The following DENND4C variants were observed in gnomAD, a reference collection of about 807,000 sequenced individuals.
DENND4C encodes the protein DENN domain-containing protein 4C.
Under a neutral mutation model 203.0 loss-of-function variants are expected in DENND4C, and 108 were observed. That is an observed-to-expected ratio of 0.53 (90% CI 0.46 to 0.62). DENND4C has a LOEUF of 0.62. DENND4C is among the 20% of genes least tolerant of loss of function. The probability of loss-of-function intolerance (pLI) is 0.00; values close to 1 mark genes in which losing one functional copy is unlikely to be tolerated. For synonymous variants in DENND4C, 871 were observed against 792.4 expected, an observed-to-expected ratio of 1.10 and a Z score of -1.67; for missense variants, 2,481 against 2,301.2, an observed-to-expected ratio of 1.08 and a Z score of -1.60.
Position 19,268,105 on chromosome 9 carries a change from T to A in DENND4C, c.-17-8053T>A, listed in dbSNP as rs1306771935. Among the ~76,000 whole-genome samples the A allele has an allele frequency of 3.7e-4, 15 of 40,036 alleles. No homozygotes were observed. The South Asian group carries it at 0.013, about 35-fold the overall frequency. The allele number at this position is 40,036 out of a possible 152,430, so 26.3% of individuals were successfully genotyped here. A position where few individuals can be genotyped will look rare whatever the true frequency, so the allele number is the denominator to read the frequency against. On this transcript the variant is annotated intron_variant, in intron 1 of 32. Coordinates refer to ENST00000434457, the MANE Select transcript of DENND4C (RefSeq NM_001330640.2). ...GTATGTGTTGTAGGTTTTTGGGTATTTTTTTTTTTTCCCGTACAGAGTCTT... is the reference window on the plus strand; with the variant it reads ...GTATGTGTTGTAGGTTTTTGGGTATATTTTTTTTTTCCCGTACAGAGTCTT...
intron 3 of DENND4C, 37 bp downstream of exon 3, chr9:19,287,058 A>G: frequency 1.6e-6 from 2 of 1,231,526 alleles, no homozygotes; most frequent in East Asian, 6.3e-5. Context: ...GTTTCATATG[A>G]AACCAAAAAG....
intron 28 of DENND4C, 150 bp from the exon 29 acceptor site, chr9:19,360,094 T>G (rs1162672465): frequency 1.3e-6 from 1 of 755,468 alleles, no homozygotes; most frequent in Non-Finnish European, 2.1e-6. Context: ...TTTTTTAGGT[T>G]TTCATTCATT....
At chr9:19,291,819 T>A (rs896769843) in intron 5 of DENND4C, among the ~76,000 whole-genome samples, 1 of 152,004 alleles carries the variant, frequency 6.6e-6, no homozygotes, top group Non-Finnish European at 1.5e-5. Context: ...AAAAGGAGTT[T>A]TAAAATGTAG....
chr9:19,365,189 A>G (rs1487828736), intron 30 of DENND4C, among the ~76,000 whole-genome samples: 1 of 152,222 alleles, frequency 6.6e-6, no homozygotes, highest in Non-Finnish European at 1.5e-5. Context: ...GCAATATATA[A>G]AAATGATTTT....
chr9:19,349,406 T>G (rs1332749384), intron 23 of DENND4C, among the ~76,000 whole-genome samples: 1 of 152,138 alleles, frequency 6.6e-6, no homozygotes, highest in Non-Finnish European at 1.5e-5. Context: ...CCTTTCTCCC[T>G]TGCCTCCCCA....
intron 2 of DENND4C, among the ~76,000 whole-genome samples, chr9:19,281,286 G>A (rs1020469953): frequency 1.7e-4 from 26 of 152,158 alleles, no homozygotes; most frequent in African/African-American, 6.3e-4. Flanking sequence ...TTGCTAGAGT[G>A]TATGGTTGTC....
At chr9:19,340,939 G>C in intron 20 of DENND4C, 53 bp from the exon 21 acceptor site, 1 of 1,466,138 alleles carries the variant, frequency 6.8e-7, no homozygotes, top group Non-Finnish European at 9.1e-7. Flanking sequence ...TTTTATATAT[G>C]AATTATAAGT....
At chr9:19,263,006 T>G (rs1829736007) in intron 1 of DENND4C, among the ~76,000 whole-genome samples, 1 of 152,238 alleles carries the variant, frequency 6.6e-6, no homozygotes, top group African/African-American at 2.4e-5. Flanking sequence ...GCATCCTTGT[T>G]GTGTTTCATA....
intron 2 of DENND4C, among the ~76,000 whole-genome samples, chr9:19,285,022 G>A (rs1271427725): frequency 6.6e-6 from 1 of 152,046 alleles, no homozygotes; most frequent in African/African-American, 2.4e-5. Context: ...GTGATCCACC[G>A]GGGGATCCCC....
At chr9:19,319,437 CA>C (rs1163167072) in intron 12 of DENND4C, among the ~76,000 whole-genome samples, 1 of 142,426 alleles carries the variant, frequency 7.0e-6, no homozygotes, top group Non-Finnish European at 1.5e-5. Context: ...TATATACACA[CA>C]TATATATATA....
chr9:19,246,894 A>G (rs10811149), intron 1 of DENND4C, among the ~76,000 whole-genome samples: 7,579 of 152,156 alleles, frequency 0.05, 252 homozygotes, highest in Non-Finnish European at 0.078. Context: ...TCTCACACAC[A>G]CCTTTCCTTC....
Position 19,267,381 on chromosome 9 carries a change from T to C in DENND4C, c.-17-8777T>C, listed in dbSNP as rs568427075. On this transcript the variant is annotated intron_variant, in intron 1 of 32. Transcript: ENST00000434457. ...TGACCTTCTTTGTCTCTTTTTATGGTTTTTATCTTAAAATCTGTTTTATCT... is the reference window on the plus strand; with the variant it reads ...TGACCTTCTTTGTCTCTTTTTATGGCTTTTATCTTAAAATCTGTTTTATCT... Among the ~76,000 whole-genome samples, 79 of 152,336 alleles carry C rather than the reference T, an allele frequency of 5.2e-4. 1 individual carries two copies. The highest frequency in any genetic ancestry group is 3.4e-3 in the Middle Eastern group (1 of 294).
At chr9:19,326,416 T>C (rs1817844193) in intron 15 of DENND4C, among the ~76,000 whole-genome samples, 1 of 152,154 alleles carries the variant, frequency 6.6e-6, no homozygotes, top group South Asian at 2.1e-4. Context: ...GTTTGTATTT[T>C]AATCTTTAAA....
At chr9:19,318,708 G>T (rs1227779380) in intron 12 of DENND4C, among the ~76,000 whole-genome samples, 1 of 152,114 alleles carries the variant, frequency 6.6e-6, no homozygotes, top group Non-Finnish European at 1.5e-5. Context: ...TCTCCATGTG[G>T]TCTTCCTTCA....
intron 1 of DENND4C, among the ~76,000 whole-genome samples, chr9:19,234,783 C>G (rs1331525324): frequency 2.6e-5 from 4 of 151,620 alleles, no homozygotes; most frequent in African/African-American, 9.7e-5. Context: ...TTCAAGCGAT[C>G]CACCCATCTC....
In DENND4C at chr9:19,374,218, C is replaced by G. The variant is rs1563855243; in HGVS notation, c.*2045C>G. 6.6e-6 allele frequency among the ~76,000 whole-genome samples: 1 copy of G among 152,076 alleles called. No individual in the cohort carries two copies. Among genetic ancestry groups the G allele is most frequent in the East Asian group, 1.9e-4 (1 of 5,194 alleles). On this transcript the variant is annotated 3_prime_UTR_variant, in exon 33 of 33. Coordinates refer to ENST00000434457, the MANE Select transcript of DENND4C (RefSeq NM_001330640.2). ...CATTCCTTCACTCGTAACTTGAACT[C>G]AAGTTTTCACTTACTGACGCGCTTC...
At chr9:19,257,592 A>G (rs1331201955) in intron 1 of DENND4C, among the ~76,000 whole-genome samples, 1 of 152,202 alleles carries the variant, frequency 6.6e-6, no homozygotes, top group African/African-American at 2.4e-5. Context: ...CAGAAAAGCA[A>G]GAGAAAAATC....
Position 19,276,234 on chromosome 9 carries a change from C to G in DENND4C, c.60C>G (p.Asp20Glu). The G allele has an allele frequency of 2.4e-6, 3 of 1,232,072 alleles. No homozygotes were observed. The allele number at this position is 1,232,072 out of a possible 1,614,324, so 76.3% of individuals were successfully genotyped here. A position where few individuals can be genotyped will look rare whatever the true frequency, so the allele number is the denominator to read the frequency against. Residue 20 changes from aspartate to glutamate, a missense_variant, in exon 2 of 33, where the codon GAC (aspartate) becomes GAG (glutamate). Asp to Glu is a conservative substitution (Grantham distance 45). Around this residue, in one of 3 missense-constraint regions of DENND4C, gnomAD observed 187 missense variants for 167.4 expected, o/e 1.12. Transcript: ENST00000434457. ...ACTTTGTCGTAGCTGGTCTCACTGA[C>G]ACATCTACTCTTTTGGATCAAGAAA... ...TDYFVVAGLT[D>E]TSTLLDQEIN...
intron 30 of DENND4C, 139 bp from the exon 31 acceptor site, chr9:19,369,698 C>T (rs1828383622): frequency 5.0e-6 from 2 of 398,516 alleles, no homozygotes; most frequent in Non-Finnish European, 3.9e-6. Flanking sequence ...GCCTGGGAGA[C>T]GAAGGTTGCA....
Sources: gnomAD v4.1 joint callset for allele counts (sites outside exome capture counted in the v4.1 genomes callset) on GRCh38, gnomAD v4.1.1 for gene constraint, gnomAD v4.1.1 regional missense constraint, MANE v1.5 for transcripts, NCBI Gene and HGNC (gene_info 2026-07-23, HGNC 2026-07-21) for gene names.